Variants in SAMTOR observed in about 807,000 individuals in gnomAD.
SAMTOR encodes the protein UPF0532 protein C7orf60.
At chr7:112,925,065 A>G in the SAMTOR span, among the ~76,000 whole-genome samples, 1 of 152,190 alleles carries the variant, frequency 6.6e-6, no homozygotes, top group African/African-American at 2.4e-5. Flanking sequence ...CTGTATTGGA[A>G]TATTAATTTA....
chr7:112,854,347 A>G, the SAMTOR span, among the ~76,000 whole-genome samples: 1 of 152,132 alleles, frequency 6.6e-6, no homozygotes, highest in African/African-American at 2.4e-5. Context: ...TTTGGTGATT[A>G]GGAAATAAAA....
chr7:112,851,764 G>C, the SAMTOR span, among the ~76,000 whole-genome samples: 1 of 152,004 alleles, frequency 6.6e-6, no homozygotes, highest in African/African-American at 2.4e-5. Flanking sequence ...TCCTACATAG[G>C]GCTAATATGC....
At chr7:112,853,724 G>A in the SAMTOR span, among the ~76,000 whole-genome samples, 48 of 152,232 alleles carry the variant, frequency 3.2e-4, no homozygotes, top group African/African-American at 1.1e-3. Flanking sequence ...GCAGATATGG[G>A]AGATAACAGT....
the SAMTOR span, among the ~76,000 whole-genome samples, chr7:112,835,529 T>C: frequency 6.6e-6 from 1 of 152,156 alleles, no homozygotes; most frequent in South Asian, 2.1e-4. Context: ...ATGTACAGGT[T>C]ACACAGGTAA....
the SAMTOR span, chr7:112,895,755 A>T: frequency 4.8e-4 from 706 of 1,483,032 alleles, no homozygotes; most frequent in Non-Finnish European, 6.2e-4. Context: ...AGTAAAAATA[A>T]AGTTGTATTT....
At chr7:112,849,700 CT>C in the SAMTOR span, among the ~76,000 whole-genome samples, 1 of 152,062 alleles carries the variant, frequency 6.6e-6, no homozygotes, top group African/African-American at 2.4e-5. Flanking sequence ...GTGTTTTCAA[CT>C]TTTCTCCATT....
At chr7:112,909,778 A>G in the SAMTOR span, among the ~76,000 whole-genome samples, 5 of 151,988 alleles carry the variant, frequency 3.3e-5, no homozygotes. Flanking sequence ...ATATAAATAT[A>G]AAACAAAGTT....
chr7:112,931,651 T>C, the SAMTOR span, among the ~76,000 whole-genome samples: 1 of 152,176 alleles, frequency 6.6e-6, no homozygotes, highest in South Asian at 2.1e-4. Context: ...TATGTTCAAT[T>C]AAAAAGTCTT....
chr7:112,836,816 C>T, the SAMTOR span, among the ~76,000 whole-genome samples: 1 of 152,182 alleles, frequency 6.6e-6, no homozygotes, highest in Non-Finnish European at 1.5e-5. Context: ...GTTTTGGTAC[C>T]AGTACCATGC....
At chr7:112,896,895 C>T in the SAMTOR span, among the ~76,000 whole-genome samples, 1 of 152,058 alleles carries the variant, frequency 6.6e-6, no homozygotes, top group Non-Finnish European at 1.5e-5. Flanking sequence ...GCAGAAAGGA[C>T]AGCATAAGCA....
chr7:112,854,427 T>C, the SAMTOR span, among the ~76,000 whole-genome samples: 1 of 152,218 alleles, frequency 6.6e-6, no homozygotes, highest in East Asian at 1.9e-4. Context: ...ACAAAGTAGA[T>C]GAAAAAAATT....
chr7:112,910,712 T>C, the SAMTOR span, among the ~76,000 whole-genome samples: 4 of 152,222 alleles, frequency 2.6e-5, no homozygotes, highest in African/African-American at 9.6e-5. Flanking sequence ...ATAGATATTT[T>C]TGCAAAAATA....
At chr7:112,833,109 A>G in the SAMTOR span, among the ~76,000 whole-genome samples, 2 of 151,834 alleles carry the variant, frequency 1.3e-5, no homozygotes, top group Admixed American at 1.3e-4. Context: ...TAAAAAATAT[A>G]TTTTTTCAAG....
chr7:112,852,019 T>C, the SAMTOR span, among the ~76,000 whole-genome samples: 13 of 152,084 alleles, frequency 8.5e-5, no homozygotes, highest in African/African-American at 2.9e-4. Context: ...CACCACACAA[T>C]TGGTAGGAAT....
chr7:112,909,633 A>G, the SAMTOR span, among the ~76,000 whole-genome samples: 2 of 152,136 alleles, frequency 1.3e-5, no homozygotes, highest in African/African-American at 4.8e-5. Context: ...TTTTATTTTT[A>G]GAAAATCAGT....
At chr7:112,872,786 A>C in the SAMTOR span, among the ~76,000 whole-genome samples, 1 of 151,970 alleles carries the variant, frequency 6.6e-6, no homozygotes, top group Non-Finnish European at 1.5e-5. Flanking sequence ...ATACAAAATC[A>C]ATGTATAAAA....
chr7:112,933,410 T>C, the SAMTOR span, among the ~76,000 whole-genome samples: 1 of 152,168 alleles, frequency 6.6e-6, no homozygotes. Flanking sequence ...AAACTATCAA[T>C]GAAGAAATTT....
At chr7:112,893,400 T>A in the SAMTOR span, among the ~76,000 whole-genome samples, 1 of 152,346 alleles carries the variant, frequency 6.6e-6, no homozygotes, top group South Asian at 2.1e-4. Flanking sequence ...GGAGATGGTT[T>A]CTTAGACCTC....
At chr7:112,826,474 A>C in the SAMTOR span, among the ~76,000 whole-genome samples, 1,646 of 152,170 alleles carry the variant, frequency 0.011, 31 homozygotes, top group African/African-American at 0.037. Context: ...ATTTTCTTAT[A>C]CTTTTAATGT....
Sources: gnomAD v4.1 joint callset for allele counts (sites outside exome capture counted in the v4.1 genomes callset) on GRCh38, gnomAD v4.1.1 for gene constraint, MANE v1.5 for transcripts, NCBI Gene and HGNC (gene_info 2026-07-23, HGNC 2026-07-21) for gene names.